Variants in SPG11 observed in about 807,000 individuals in gnomAD.
SPG11 encodes the protein spatacsin.
A neutral mutation model predicts 274.0 loss-of-function variants in SPG11; 222 were observed. That is an observed-to-expected ratio of 0.81 (90% CI 0.73 to 0.91). The LOEUF is 0.91. Among genes scored for constraint, SPG11 ranks in the 40% least tolerant of loss-of-function variants. SPG11 has a pLI of 0.00. For synonymous variants in SPG11, 1,144 were observed against 1,039.7 expected (o/e 1.10, Z -1.93); for missense variants, 3,114 against 2,872.7 (o/e 1.08, Z -1.92).
intron 1 of SPG11, among the ~76,000 whole-genome samples, chr15:44,661,972 G>C (rs543433026): frequency 6.6e-6 from 1 of 152,048 alleles, no homozygotes; most frequent in Non-Finnish European, 1.5e-5. Flanking sequence ...CTAATTTCAT[G>C]AACTAGCATA....
intron 2 of SPG11, among the ~76,000 whole-genome samples, chr15:44,659,654 C>G (rs1343614531): frequency 6.6e-6 from 1 of 152,154 alleles, no homozygotes; most frequent in Non-Finnish European, 1.5e-5. Context: ...GAGTATGTTA[C>G]TGCTTTAAAA....
Position 44,626,447 on chromosome 15 carries a change from T to C in SPG11, c.2128A>G (p.Ile710Val), listed in dbSNP as rs779467011. Reference sequence around the variant, plus strand: ...AGTTTTTGAGCAGAATGACTATCAATCCTGAAGAAAGTCTGTGCCTCTGGT... The same window carrying C: ...AGTTTTTGAGCAGAATGACTATCAACCCTGAAGAAAGTCTGTGCCTCTGGT... ...KIPEAQTFFR[I>V]DSHSAQKLEE... is the part of the protein sequence containing the mutation. The change falls in exon 11 of 40, where the codon ATT becomes GTT. Residue 710 changes from isoleucine to valine, a missense_variant. By Grantham distance (29) the Ile-to-Val change is conservative. Transcript: ENST00000261866. 2.2e-5 allele frequency: 35 copies of C among 1,613,916 alleles called. No individual in the cohort carries two copies. The South Asian group carries it at 3.5e-4, about 16-fold the overall frequency.
intron 15 of SPG11, among the ~76,000 whole-genome samples, chr15:44,618,319 T>C (rs958192505): frequency 6.7e-6 from 1 of 150,018 alleles, no homozygotes; most frequent in African/African-American, 2.5e-5. Flanking sequence ...CCAATCTGGC[T>C]AACATGGTGA....
Position 44,563,174 on chromosome 15 carries a change from G to C in SPG11, c.7279C>G (p.Leu2427Val), listed in dbSNP as rs753787159. 2 of 1,614,162 alleles carry C rather than the reference G, an allele frequency of 1.2e-6. No homozygotes were observed. The highest frequency in any genetic ancestry group is 3.3e-5 in the Admixed American group (2 of 60,026). ...EHKFYEIVNV[L>V]LKDPQTGCCL... ...CAACCTGTCTGAGGGTCCTTCAGAA[G>C]CACATTTACAATTTCATAAAACTTG... The change falls in exon 40 of 40, where the codon CTT becomes GTT. Residue 2427 changes from leucine (L) to valine (V), a missense_variant. Physicochemically the swap from Leu to Val is conservative, Grantham distance 32 (BLOSUM62 1). Coordinates refer to ENST00000261866, the MANE Select transcript of SPG11 (RefSeq NM_025137.4).
At position 44,629,380 on chromosome 15, in the gene SPG11, C is replaced by T; in HGVS notation, c.1744G>A (p.Glu582Lys). The T allele has an allele frequency of 6.2e-7, 1 of 1,613,986 alleles. No individual in the cohort carries two copies. The highest frequency in any genetic ancestry group is 1.1e-5 in the South Asian group (1 of 91,070). The part of the protein sequence containing the change: ...SSHLYLRNVE[E>K]LIPALDLLCS... ...AGTAAATCCAATGCTGGTATCAGCT[C>T]TTCCACATCTGAGAAAGAACCAAAG... Residue 582 changes from glutamate (E) to lysine (K), a missense_variant, in exon 9 of 40, where the codon GAG becomes AAG. Physicochemically the swap from Glu to Lys is moderately conservative, Grantham distance 56. Transcript: ENST00000261866.
chr15:44,606,502 G>A (rs923649341), intron 19 of SPG11, among the ~76,000 whole-genome samples: 1 of 152,114 alleles, frequency 6.6e-6, no homozygotes, highest in Non-Finnish European at 1.5e-5. Flanking sequence ...GAAAGGAAAA[G>A]AGAAGAAAAA....
chr15:44,621,678 G>C, intron 14 of SPG11, 81 bp downstream of exon 14: 2 of 1,325,822 alleles, frequency 1.5e-6, no homozygotes, highest in Non-Finnish European at 2.2e-6. Flanking sequence ...CTAAAATTGA[G>C]ACACATCAAA....
At chr15:44,576,872 G>A (rs892738242) in intron 30 of SPG11, among the ~76,000 whole-genome samples, 5 of 151,914 alleles carry the variant, frequency 3.3e-5, no homozygotes, top group Admixed American at 1.3e-4. Flanking sequence ...TGTCGCCCAG[G>A]CTAGAGTGCA....
chr15:44,621,558 C>A, intron 14 of SPG11: 1 of 551,776 alleles, frequency 1.8e-6, no homozygotes, highest in Admixed American at 3.2e-5. Context: ...CTATTTTTTT[C>A]TTTTATTAGC....
At chr15:44,597,950 C>T (rs1235053430) in intron 23 of SPG11, among the ~76,000 whole-genome samples, 1 of 152,242 alleles carries the variant, frequency 6.6e-6, no homozygotes, top group Non-Finnish European at 1.5e-5. Flanking sequence ...CCCACATCTT[C>T]TGGCATTTCA....
chr15:44,633,137 G>C (rs774324752), intron 8 of SPG11, among the ~76,000 whole-genome samples: 17 of 151,558 alleles, frequency 1.1e-4, no homozygotes, highest in Non-Finnish European at 2.5e-4. Flanking sequence ...CCAGGAGTTT[G>C]AGACCAGCCT....
intron 25 of SPG11, 80 bp from the exon 26 acceptor site, chr15:44,595,539 T>C: frequency 6.9e-7 from 1 of 1,440,098 alleles, no homozygotes; most frequent in Non-Finnish European, 9.6e-7. Flanking sequence ...ATATTTCCTG[T>C]TTAGAATAAG....
rs1306092919 is a variant in SPG11, at chr15:44,649,014, A to G, written c.1457-3T>C. 3 of 1,610,556 alleles carry G rather than the reference A, an allele frequency of 1.9e-6. No individual in the cohort carries two copies. Among genetic ancestry groups the G allele is most frequent in the Non-Finnish European group, 2.5e-6 (3 of 1,176,976 alleles). ...CAAAATCAGAGAGAGTCCATTCTCT[A>G]TAGGAAAAATAAAAGTTAGCTTTAA... On this transcript the variant is annotated splice_region_variant and splice_polypyrimidine_tract_variant and intron_variant, in intron 6 of 39. Transcript: ENST00000261866.
intron 27 of SPG11, among the ~76,000 whole-genome samples, chr15:44,589,982 T>C (rs1417440099): frequency 6.6e-6 from 1 of 152,152 alleles, no homozygotes; most frequent in East Asian, 1.9e-4. Flanking sequence ...AATTTTTTTG[T>C]ATTTTTAATA....
intron 7 of SPG11, among the ~76,000 whole-genome samples, chr15:44,640,151 A>C (rs1450264027): frequency 6.6e-6 from 1 of 152,200 alleles, no homozygotes; most frequent in Non-Finnish European, 1.5e-5. Context: ...TGGAGATTGC[A>C]GTTAGCCGAG....
rs1567148391 is a variant in SPG11 at position 44,596,082 on chromosome 15, C to T, written c.4434+1G>A. 6.2e-7 allele frequency: 1 copy of T among 1,613,126 alleles called. No homozygotes were observed. Among genetic ancestry groups the T allele is most frequent in the Non-Finnish European group, 8.5e-7 (1 of 1,180,020 alleles). ...TACTTCAGGCTTCTCATGATCCTCA[C>T]CTGGAGACATGAGGCCAGAACACTG... On this transcript the variant is annotated splice_donor_variant, in intron 25 of 39. Coordinates refer to ENST00000261866, the MANE Select transcript of SPG11 (RefSeq NM_025137.4). LOFTEE classifies it high-confidence loss of function.
Position 44,648,931 on chromosome 15 carries a change from T to C in SPG11, c.1537A>G (p.Thr513Ala), listed in dbSNP as rs1178807612. The C allele has an allele frequency of 6.2e-7, 1 of 1,614,128 alleles. No homozygotes were observed. Among genetic ancestry groups the C allele is most frequent in the Non-Finnish European group, 8.5e-7 (1 of 1,179,994 alleles). The change falls in exon 7 of 40, where the codon ACT (threonine) becomes GCT (alanine). Residue 513 changes from threonine to alanine, a missense_variant. By Grantham distance (58) the Thr-to-Ala change is moderately conservative (BLOSUM62 0). Coordinates refer to ENST00000261866, the MANE Select transcript of SPG11 (RefSeq NM_025137.4). ...NRLMIHGSASTVDTLCHLNGW... is the reference protein window; with the variant it reads ...NRLMIHGSASAVDTLCHLNGW... ...TTGAGATGACAAAGAGTGTCCACAG[T>C]GCTGGCACTTCCATGGATCATGAGT...
intron 7 of SPG11, among the ~76,000 whole-genome samples, chr15:44,645,270 C>T (rs1279144694): frequency 6.6e-6 from 1 of 152,152 alleles, no homozygotes; most frequent in Non-Finnish European, 1.5e-5. Context: ...CAAAAGCAGA[C>T]ACATAGACCA....
At chr15:44,623,731 GC>G (rs2083817804) in intron 11 of SPG11, among the ~76,000 whole-genome samples, 1 of 152,046 alleles carries the variant, frequency 6.6e-6, no homozygotes, top group Non-Finnish European at 1.5e-5. Flanking sequence ...TAATCAAAGT[GC>G]CAGGTCTAAC....
Sources: gnomAD v4.1 joint callset for allele counts (sites outside exome capture counted in the v4.1 genomes callset) on GRCh38, gnomAD v4.1.1 for gene constraint, MANE v1.5 for transcripts, NCBI Gene and HGNC (gene_info 2026-07-23, HGNC 2026-07-21) for gene names.